The following FDFT1 variants were observed in gnomAD, a reference collection of about 807,000 sequenced individuals.
FDFT1 encodes the protein farnesyl-diphosphate farnesyltransferase 1, also known as squalene synthase.
A neutral mutation model predicts 46.8 loss-of-function variants in FDFT1; 68 were observed. That is an observed-to-expected ratio of 1.45 (90% CI 1.19 to 1.78). FDFT1 has a LOEUF of 1.78. Among genes scored for constraint, FDFT1 ranks in the 40% most tolerant of loss-of-function variants. FDFT1 has a pLI of 0.00. For synonymous variants in FDFT1, 351 were observed against 185.1 expected (o/e 1.90, Z -7.28); for missense variants, 928 against 524.4 (o/e 1.77, Z -7.52).
intron 3 of FDFT1, among the ~76,000 whole-genome samples, chr8:11,814,879 T>A (rs1808227047): frequency 6.6e-6 from 1 of 152,132 alleles, no homozygotes; most frequent in African/African-American, 2.4e-5. Flanking sequence ...TTCTTTTTCT[T>A]TTATTATACT....
Position 11,811,443 on chromosome 8 carries a change from A to C in FDFT1, c.381+1593A>C, listed in dbSNP as rs1339973236. On this transcript the variant is annotated intron_variant, in intron 3 of 7. Transcript: ENST00000220584. ...GGGGCATGGGATAAATGTGTTAGGT[A>C]TTGCTAAGTCAAGGCAGCCCTATCC... Among the ~76,000 whole-genome samples the C allele has an allele frequency of 4.0e-4, 61 of 152,378 alleles. No homozygotes were observed. In the East Asian group the frequency reaches 9.1e-3, roughly 23 times the overall value.
At chr8:11,809,003 G>T (rs868323764) in intron 2 of FDFT1, 112 bp downstream of exon 2, 15 of 1,481,926 alleles carry the variant, frequency 1.0e-5, no homozygotes, top group African/African-American at 7.0e-5. Context: ...TCGTTGCTGT[G>T]GCTTATCCAG....
intron 7 of FDFT1, among the ~76,000 whole-genome samples, chr8:11,833,921 T>G (rs1189465188): frequency 6.6e-6 from 1 of 152,374 alleles, no homozygotes; most frequent in East Asian, 1.9e-4. Flanking sequence ...TTTGAAGATT[T>G]CTAAGTCTTA....
upstream of FDFT1, among the ~76,000 whole-genome samples, chr8:11,797,748 C>T (rs145352872): frequency 2.6e-3 from 388 of 152,068 alleles, no homozygotes; most frequent in African/African-American, 8.8e-3. Flanking sequence ...GCAGATTCCA[C>T]CTGAGCTGTA....
At chr8:11,818,512 C>G (rs983478090) in intron 3 of FDFT1, among the ~76,000 whole-genome samples, 1 of 152,170 alleles carries the variant, frequency 6.6e-6, no homozygotes, top group Admixed American at 6.5e-5. Context: ...TTTTCTAGGT[C>G]TCTAAGGACT....
In FDFT1 at chr8:11,803,452, C is replaced by G; in HGVS notation, c.99+521C>G. On this transcript the variant is annotated intron_variant, in intron 1 of 7. Transcript: ENST00000220584. ...GGTGCTTCCTGAGTTTTAAAATCGC[C>G]TATCTACGCTTCCAAGTTCCAATGA... 9 of 1,280,090 alleles carry G rather than the reference C, an allele frequency of 7.0e-6. 1 individual carries two copies. In the South Asian group the frequency reaches 8.8e-5, roughly 12 times the overall value. The allele number at this position is 1,280,090 out of a possible 1,614,324, so 79.3% of individuals were successfully genotyped here. A position where few individuals can be genotyped will look rare whatever the true frequency, so the allele number is the denominator to read the frequency against.
In FDFT1 at chr8:11,808,248, C is replaced by G. The variant is rs180739870; in HGVS notation, c.100-546C>G. On this transcript the variant is annotated intron_variant, in intron 1 of 7. Coordinates refer to ENST00000220584, the MANE Select transcript of FDFT1 (RefSeq NM_004462.5). ...CCGAGTAGAGTTTGGTCTAGGGAGACTCTGTCACTGGGAGGACGAGCGAGC... is the reference window on the plus strand; with the variant it reads ...CCGAGTAGAGTTTGGTCTAGGGAGAGTCTGTCACTGGGAGGACGAGCGAGC... The G allele has an allele frequency of 6.6e-6, 8 of 1,203,188 alleles. No individual in the cohort carries two copies. In the African/African-American group the frequency reaches 1.1e-4, roughly 17 times the overall value. The allele number at this position is 1,203,188 out of a possible 1,614,324, so 74.5% of individuals were successfully genotyped here.
chr8:11,834,291 T>G (rs1811247350), intron 7 of FDFT1, among the ~76,000 whole-genome samples: 1 of 152,192 alleles, frequency 6.6e-6, no homozygotes, highest in Non-Finnish European at 1.5e-5. Flanking sequence ...TGGAGCAGCC[T>G]CTGCTTCAAA....
intron 7 of FDFT1, among the ~76,000 whole-genome samples, chr8:11,833,065 C>T (rs1179518077): frequency 2.0e-5 from 3 of 152,204 alleles, no homozygotes; most frequent in Non-Finnish European, 4.4e-5. Context: ...ATGTCCAGAA[C>T]TTCTATCAGA....
chr8:11,835,118 C>G (rs1811361396), intron 7 of FDFT1, among the ~76,000 whole-genome samples: 1 of 152,180 alleles, frequency 6.6e-6, no homozygotes, highest in South Asian at 2.1e-4. Flanking sequence ...GGTGAAGGCC[C>G]TTTCTCAAAC....
chr8:11,828,332 C>T (rs190864130), intron 5 of FDFT1, among the ~76,000 whole-genome samples: 163 of 152,294 alleles, frequency 1.1e-3, no homozygotes, highest in Admixed American at 1.8e-3. Flanking sequence ...AAACACTTCC[C>T]TCAGCTCAGA....
upstream of FDFT1, chr8:11,802,116 G>C (rs1051862369): frequency 2.4e-5 from 11 of 454,558 alleles, no homozygotes; most frequent in Non-Finnish European, 4.0e-5. Context: ...AAACACTAGA[G>C]AGGGGGCAGC....
intron 3 of FDFT1, 162 bp downstream of exon 3, chr8:11,810,012 C>G (rs2130729498): frequency 1.8e-6 from 1 of 558,308 alleles, no homozygotes; most frequent in Non-Finnish European, 3.1e-6. Flanking sequence ...TGAAGCCAGG[C>G]TGCCTGGGTT....
In FDFT1 at chr8:11,802,827, G is replaced by A; in HGVS notation, c.-6G>A. The A allele has an allele frequency of 5.0e-6, 8 of 1,606,524 alleles. No individual in the cohort carries two copies. The highest frequency in any genetic ancestry group is 6.8e-6 in the Non-Finnish European group (8 of 1,176,136). The stretch of plus-strand genomic sequence containing the variant: ...TCGCGCCCGGGAGTCCGCCGCCTGC[G>A]CCAGGATGGAGTTCGTGAAATGCCT... On this transcript the variant is annotated 5_prime_UTR_variant, in exon 1 of 8. Coordinates refer to ENST00000220584, the MANE Select transcript of FDFT1 (RefSeq NM_004462.5).
upstream of FDFT1, among the ~76,000 whole-genome samples, chr8:11,799,862 C>G (rs192210391): frequency 1.3e-5 from 2 of 150,376 alleles, no homozygotes; most frequent in Admixed American, 6.7e-5. Flanking sequence ...AGGAGACTCA[C>G]TTGAACCTGG....
At chr8:11,828,460 T>C (rs561476442) in intron 5 of FDFT1, among the ~76,000 whole-genome samples, 33 of 152,210 alleles carry the variant, frequency 2.2e-4, no homozygotes, top group Non-Finnish European at 4.3e-4. Context: ...TGTCTGGGGA[T>C]GTATAGTGAG....
At chr8:11,827,972 T>TG (rs1350611698) in intron 5 of FDFT1, among the ~76,000 whole-genome samples, 1 of 151,744 alleles carries the variant, frequency 6.6e-6, no homozygotes, top group African/African-American at 2.4e-5. Flanking sequence ...GAAGCCCAGG[T>TG]GAGTGGATCA....
At chr8:11,808,078 C>T (rs1585872567) in intron 1 of FDFT1, 3 of 187,084 alleles carry the variant, frequency 1.6e-5, no homozygotes, top group Non-Finnish European at 3.0e-5. Flanking sequence ...GGAACCTAAT[C>T]GGCTGTCTAG....
In FDFT1 at chr8:11,809,122, A is replaced by G. The variant is rs1463428502; in HGVS notation, c.197+231A>G. 4.6e-6 allele frequency: 6 copies of G among 1,308,910 alleles called. No homozygotes were observed. In the African/African-American group the frequency reaches 9.2e-5, roughly 20 times the overall value. The allele number at this position is 1,308,910 out of a possible 1,614,324, so 81.1% of individuals were successfully genotyped here. On this transcript the variant is annotated intron_variant, in intron 2 of 7. Transcript: ENST00000220584. ...TTCAGAGAAGAGGGGGGAGGGGGTG[A>G]TGTTTATTAACTTTTTTTAGTCTTG...
Sources: allele counts gnomAD v4.1 joint callset (sites outside exome capture counted in the v4.1 genomes callset), GRCh38; gene constraint gnomAD v4.1.1; transcripts MANE v1.5; gene names NCBI Gene and HGNC (gene_info 2026-07-23, HGNC 2026-07-21).